Variants in DTX4 observed in about 807,000 individuals in gnomAD.
DTX4 encodes E3 ubiquitin-protein ligase DTX4.
A neutral mutation model predicts 57.6 loss-of-function variants in DTX4; 28 were observed. The ratio of observed to expected loss-of-function variants is 0.49; its 90% confidence interval spans 0.36 to 0.67. The LOEUF is 0.67. Among genes scored for constraint, DTX4 ranks in the 30% least tolerant of loss-of-function variants. The probability of loss-of-function intolerance (pLI) is 0.00; values close to 1 mark genes in which losing one functional copy is unlikely to be tolerated. For synonymous variants in DTX4, 316 were observed against 331.0 expected (o/e 0.95, Z 0.49); for missense variants, 715 against 836.8 (o/e 0.85, Z 1.80).
rs1006798017 is a variant in DTX4 at position 59,206,528 on chromosome 11, T to TATATA, written c.*1621_*1622insATAAT. 6.7e-6 allele frequency: 1 copy of TATATA among 150,178 alleles called. No individual in the cohort carries two copies. The highest frequency in any genetic ancestry group is 2.1e-4 in the South Asian group (1 of 4,742). The allele number at this position is 150,178 out of a possible 1,614,324, so 9.3% of individuals were successfully genotyped here. ...TTTGACGTATATATATATATATATATATGCATATATATTTCATAATATTTG... is the reference window on the plus strand; with the variant it reads ...TTTGACGTATATATATATATATATATATATAATGCATATATATTTCATAATATTTG... On this transcript the variant is annotated 3_prime_UTR_variant, in exon 9 of 9. Transcript: ENST00000227451.
Position 59,206,254 on chromosome 11 carries a change from A to G in DTX4, c.*1345A>G, listed in dbSNP as rs1862806500. On this transcript the variant is annotated 3_prime_UTR_variant, in exon 9 of 9. Transcript: ENST00000227451. ...AGAGAATCTCTTTAGCTCATTCCTAATGGAGTTGGGATCACAATATGGTCT... is the reference window on the plus strand; with the variant it reads ...AGAGAATCTCTTTAGCTCATTCCTAGTGGAGTTGGGATCACAATATGGTCT... 1 of 152,426 alleles carries G rather than the reference A, an allele frequency of 6.6e-6. No homozygotes were observed. The highest frequency in any genetic ancestry group is 2.4e-5 in the African/African-American group (1 of 41,378). The allele number at this position is 152,426 out of a possible 1,614,324, so 9.4% of individuals were successfully genotyped here.
At position 59,172,804 on chromosome 11, in the gene DTX4, CG is replaced by C; in HGVS notation, c.211+1del. Reference protein sequence around the residue: ...LQSMNQFRQDTGTLRPVRRNY... With the variant: ...LQSMNQFRQDXGTLRPVRRNY... Reference sequence around the variant, plus strand: ...TCCATGAACCAGTTCCGCCAAGACACGGGTGAGCCAGCCGCCCCTGACCCCG... The same window carrying C: ...TCCATGAACCAGTTCCGCCAAGACACGGTGAGCCAGCCGCCCCTGACCCCG... On this transcript the variant is annotated frameshift_variant and splice_region_variant, in exon 1 of 9. Transcript: ENST00000227451. LOFTEE classifies it high-confidence loss of function. The C allele has an allele frequency of 1.3e-6, 2 of 1,560,698 alleles. No homozygotes were observed. Among genetic ancestry groups the C allele is most frequent in the East Asian group, 2.5e-5 (1 of 40,490 alleles).
At chr11:59,174,867 GT>G (rs1590977360) in intron 1 of DTX4, among the ~76,000 whole-genome samples, 1 of 152,338 alleles carries the variant, frequency 6.6e-6, no homozygotes, top group East Asian at 1.9e-4. Flanking sequence ...CTCAGGGTGT[GT>G]TTATCATCAG....
chr11:59,196,645 T>C (rs1466977751), intron 7 of DTX4, among the ~76,000 whole-genome samples: 1 of 152,184 alleles, frequency 6.6e-6, no homozygotes, highest in Admixed American at 6.5e-5. Flanking sequence ...CCACCTGTGC[T>C]CTGCCTCCTG....
chr11:59,199,419 C>A (rs889238267), intron 7 of DTX4, among the ~76,000 whole-genome samples: 6 of 152,142 alleles, frequency 3.9e-5, no homozygotes, highest in African/African-American at 1.4e-4. Context: ...CTGCGTCATT[C>A]CTGTTAGAGA....
At chr11:59,195,693 C>T (rs1862657796) in intron 7 of DTX4, among the ~76,000 whole-genome samples, 1 of 152,122 alleles carries the variant, frequency 6.6e-6, no homozygotes, top group African/African-American at 2.4e-5. Flanking sequence ...CTTTCCACAT[C>T]AGTATAGAGA....
intron 1 of DTX4, among the ~76,000 whole-genome samples, chr11:59,176,919 G>A (rs1213423693): frequency 1.3e-5 from 2 of 152,156 alleles, no homozygotes; most frequent in Admixed American, 1.3e-4. Flanking sequence ...AAATAGGGTG[G>A]TCTCTGAAAA....
chr11:59,182,112 C>T lies in DTX4; in HGVS notation c.585C>T (p.Val195=), dbSNP rs763028217. The change falls in exon 2 of 9, where the codon GTC becomes GTT. Residue 195 remains valine (V), a synonymous_variant. Coordinates refer to ENST00000227451, the MANE Select transcript of DTX4 (RefSeq NM_015177.2). ...CCCCCTGCTCCTGTCCCCAGTGTGT[C>T]TTGGTGATGAGTGTTAAGGCAGCCG... is the stretch of plus-strand genomic sequence containing the variant. ...PMSPCSCPQC[V]LVMSVKAAVV... 46 of 1,613,368 alleles carry T rather than the reference C, an allele frequency of 2.9e-5. No individual in the cohort carries two copies. The South Asian group carries it at 4.9e-4, about 17-fold the overall frequency.
At chr11:59,186,042 C>G (rs1271733917) in intron 2 of DTX4, among the ~76,000 whole-genome samples, 4 of 152,194 alleles carry the variant, frequency 2.6e-5, no homozygotes, top group African/African-American at 4.8e-5. Flanking sequence ...GAGCTCCTTC[C>G]ATTACACGGT....
At chr11:59,200,539 A>G (rs2135526040) in intron 8 of DTX4, among the ~76,000 whole-genome samples, 1 of 152,302 alleles carries the variant, frequency 6.6e-6, no homozygotes, top group South Asian at 2.1e-4. Context: ...CTGACAACAC[A>G]TTGAAGCTGG....
At chr11:59,203,384 CTTTTT>C (rs35395150) in intron 8 of DTX4, among the ~76,000 whole-genome samples, 5 of 144,894 alleles carry the variant, frequency 3.5e-5, no homozygotes, top group Non-Finnish European at 6.1e-5. Flanking sequence ...TTTTTAAAAA[CTTTTT>C]TTTTTTTTAC....
At chr11:59,173,582 G>C (rs1432774142) in intron 1 of DTX4, among the ~76,000 whole-genome samples, 2 of 152,228 alleles carry the variant, frequency 1.3e-5, no homozygotes, top group Non-Finnish European at 2.9e-5. Flanking sequence ...GGAGGACGCA[G>C]ATTCCTAAGG....
intron 1 of DTX4, among the ~76,000 whole-genome samples, chr11:59,177,912 C>T (rs1373972620): frequency 1.3e-5 from 2 of 152,188 alleles, no homozygotes; most frequent in African/African-American, 2.4e-5. Context: ...ATAGAGAATA[C>T]AGCCATGAGC....
At position 59,189,471 on chromosome 11, in the gene DTX4, T is replaced by A; in HGVS notation, c.1159+148T>A. On this transcript the variant is annotated intron_variant, in intron 4 of 8. Coordinates refer to ENST00000227451, the MANE Select transcript of DTX4 (RefSeq NM_015177.2). ...GTAAGTGGGCCTAACCAGTAAATCT[T>A]GACGATTATACCACAGCTGATGTGT... The A allele has an allele frequency of 4.1e-6, 3 of 727,536 alleles. No homozygotes were observed. The South Asian group carries it at 5.8e-5, about 14-fold the overall frequency. 45.1% of individuals were successfully genotyped at this position (727,536 alleles called of 1,614,324 possible). A position where few individuals can be genotyped will look rare whatever the true frequency, so the allele number is the denominator to read the frequency against.
chr11:59,196,442 G>T lies in DTX4; in HGVS notation c.1536+1073G>T, dbSNP rs1377034728. Among the ~76,000 whole-genome samples, 5 of 152,374 alleles carry T rather than the reference G, an allele frequency of 3.3e-5. No individual in the cohort carries two copies. In the East Asian group the frequency reaches 9.6e-4, roughly 29 times the overall value. On this transcript the variant is annotated intron_variant, in intron 7 of 8. Coordinates refer to ENST00000227451, the MANE Select transcript of DTX4 (RefSeq NM_015177.2). Reference sequence around the variant, plus strand: ...ACCAGCCAGTCAGGGGAAGATAAATGTACATCACTAATAAAACCTCTGAGA... The same window carrying T: ...ACCAGCCAGTCAGGGGAAGATAAATTTACATCACTAATAAAACCTCTGAGA...
At chr11:59,192,979 A>T (rs1046194511) in intron 6 of DTX4, among the ~76,000 whole-genome samples, 1 of 152,186 alleles carries the variant, frequency 6.6e-6, no homozygotes, top group Non-Finnish European at 1.5e-5. Flanking sequence ...TCTTTCGTGT[A>T]CCTGAGATAA....
intron 1 of DTX4, among the ~76,000 whole-genome samples, chr11:59,179,466 G>A (rs1349081156): frequency 6.6e-6 from 1 of 152,162 alleles, no homozygotes; most frequent in Non-Finnish European, 1.5e-5. Context: ...CCAATCAAAT[G>A]TTGCCTTTTC....
At chr11:59,182,862 T>C (rs1295737731) in intron 2 of DTX4, among the ~76,000 whole-genome samples, 1 of 152,134 alleles carries the variant, frequency 6.6e-6, no homozygotes, top group Non-Finnish European at 1.5e-5. Context: ...CTGGAGGATC[T>C]CTTGAGCCCA....
intron 8 of DTX4, 84 bp from the exon 9 acceptor site, chr11:59,204,592 T>A: frequency 7.7e-7 from 1 of 1,302,636 alleles, no homozygotes; most frequent in Non-Finnish European, 1.1e-6. Flanking sequence ...GATGGGGCCC[T>A]TGGGAGGATT....
Sources: gnomAD v4.1 joint callset for allele counts (sites outside exome capture counted in the v4.1 genomes callset) on GRCh38, gnomAD v4.1.1 for gene constraint, MANE v1.5 for transcripts, NCBI Gene and HGNC (gene_info 2026-07-23, HGNC 2026-07-21) for gene names.